The following GLT8D2 variants were observed in gnomAD, a reference collection of about 807,000 sequenced individuals.
GLT8D2 encodes the protein glycosyltransferase 8 domain containing 2.
GLT8D2 carries 45 observed loss-of-function variants against 44.5 expected under a neutral mutation model. That is an observed-to-expected ratio of 1.01 (90% CI 0.80 to 1.30). The LOEUF is 1.30. Among genes scored for constraint, GLT8D2 ranks in the 50% most tolerant of loss-of-function variants. GLT8D2 has a pLI of 0.00. For missense variants in GLT8D2, 400 were observed against 430.4 expected (o/e 0.93, Z 0.62); for synonymous variants, 156 against 157.2 (o/e 0.99, Z 0.06).
rs372809197 is a variant in GLT8D2 at position 104,021,959 on chromosome 12, A to AGAG, written c.-163-469_-163-468insCTC. On this transcript the variant is annotated intron_variant, in intron 1 of 10. Coordinates refer to ENST00000360814, the MANE Select transcript of GLT8D2 (RefSeq NM_001384711.1). ...AAGAAGAAGAAGAAGAAGAAGAGGA[A>AGAG]GAAGAGGAAGAGGAAGAGGAAGAGG... 5.5e-3 allele frequency among the ~76,000 whole-genome samples: 82 copies of AGAG among 15,042 alleles called. 9 individuals are homozygous for AGAG. In the East Asian group the frequency reaches 0.082, roughly 15 times the overall value. The allele number at this position is 15,042 out of a possible 152,430, so 9.9% of individuals were successfully genotyped here.
At chr12:103,996,589 C>T in intron 8 of GLT8D2, 146 bp downstream of exon 8, 1 of 609,544 alleles carries the variant, frequency 1.6e-6, no homozygotes, top group Non-Finnish European at 2.9e-6. Context: ...AAGTCCCAGA[C>T]CCCTGTACTG....
chr12:104,003,116 T>G lies in GLT8D2; in HGVS notation c.284+19A>C, dbSNP rs767415354. On this transcript the variant is annotated intron_variant, in intron 5 of 10. Transcript: ENST00000360814. ...GGGAAGGAAACAGAAAGTGCCAAAGTCTGTAAGACATAACTTACCGTATTC... is the reference window on the plus strand; with the variant it reads ...GGGAAGGAAACAGAAAGTGCCAAAGGCTGTAAGACATAACTTACCGTATTC... The G allele has an allele frequency of 2.5e-6, 4 of 1,603,972 alleles. No individual in the cohort carries two copies. In the Admixed American group the frequency reaches 5.0e-5, roughly 20 times the overall value.
At chr12:104,062,539 T>C (rs1423593244) in intron 1 of GLT8D2, among the ~76,000 whole-genome samples, 2 of 152,216 alleles carry the variant, frequency 1.3e-5, no homozygotes, top group African/African-American at 2.4e-5. Context: ...AAATTTACTA[T>C]ACAGTGTCTG....
chr12:104,052,956 C>T (rs961509094), upstream of GLT8D2, among the ~76,000 whole-genome samples: 13 of 152,184 alleles, frequency 8.5e-5, no homozygotes, highest in Admixed American at 3.9e-4. Flanking sequence ...TTAGCTAAAA[C>T]GTTGGTCACC....
At chr12:104,041,272 G>T (rs1310496573) in intron 1 of GLT8D2, among the ~76,000 whole-genome samples, 9 of 152,220 alleles carry the variant, frequency 5.9e-5, no homozygotes, top group Non-Finnish European at 1.3e-4. Flanking sequence ...AAATTAGCTG[G>T]GCGTGGTGAC....
chr12:104,002,041 T>C (rs918040873), intron 5 of GLT8D2, among the ~76,000 whole-genome samples: 2 of 152,132 alleles, frequency 1.3e-5, no homozygotes, highest in African/African-American at 4.8e-5. Context: ...AGTGATGCGA[T>C]CATAGCTTAC....
chr12:103,997,763 AC>A (rs1448856107), intron 6 of GLT8D2, among the ~76,000 whole-genome samples: 1 of 151,818 alleles, frequency 6.6e-6, no homozygotes, highest in Admixed American at 6.6e-5. Flanking sequence ...CTAGATACAA[AC>A]CCCCTAGTGC....
chr12:104,000,104 T>G (rs1874002315), intron 5 of GLT8D2, among the ~76,000 whole-genome samples: 1 of 152,190 alleles, frequency 6.6e-6, no homozygotes, highest in South Asian at 2.1e-4. Context: ...AATGAGGTTC[T>G]TGGTAGAAAT....
intron 1 of GLT8D2, chr12:104,031,173 T>C: frequency 6.2e-7 from 1 of 1,607,658 alleles, no homozygotes; most frequent in Non-Finnish European, 8.5e-7. Flanking sequence ...GACCATCCTT[T>C]CTACAGCAAC....
At chr12:104,025,122 C>G (rs1878420971) in intron 1 of GLT8D2, among the ~76,000 whole-genome samples, 1 of 151,036 alleles carries the variant, frequency 6.6e-6, no homozygotes, top group African/African-American at 2.4e-5. Context: ...AATACTTTCC[C>G]CTGGTATGTG....
At chr12:104,010,730 T>C (rs1357851102) in intron 4 of GLT8D2, among the ~76,000 whole-genome samples, 1 of 152,200 alleles carries the variant, frequency 6.6e-6, no homozygotes, top group Non-Finnish European at 1.5e-5. Flanking sequence ...TATGTGTCTG[T>C]CTCCTCCACT....
intron 1 of GLT8D2, among the ~76,000 whole-genome samples, chr12:104,063,312 T>C (rs1016279365): frequency 6.6e-6 from 1 of 152,228 alleles, no homozygotes; most frequent in African/African-American, 2.4e-5. Flanking sequence ...GAATCCCATA[T>C]GCAGTGCAGT....
chr12:104,041,126 G>T (rs1464137408), intron 1 of GLT8D2, among the ~76,000 whole-genome samples: 1 of 151,448 alleles, frequency 6.6e-6, no homozygotes, highest in African/African-American at 2.4e-5. Context: ...AATTAGCTGG[G>T]TGTGGGGCCA....
intron 4 of GLT8D2, among the ~76,000 whole-genome samples, chr12:104,013,158 A>T (rs2629750): frequency 6.6e-6 from 1 of 152,134 alleles, no homozygotes; most frequent in Admixed American, 6.5e-5. Flanking sequence ...ACCATCACCA[A>T]GATCCAATTT....
Position 104,044,906 on chromosome 12 carries a change from A to G in GLT8D2, c.-164+4989T>C, listed in dbSNP as rs144630166. ...TTCACCAGATCCACCAGTTGCTAACATGTTGACATATTTACTTAATTGAAC... is the reference window on the plus strand; with the variant it reads ...TTCACCAGATCCACCAGTTGCTAACGTGTTGACATATTTACTTAATTGAAC... On this transcript the variant is annotated intron_variant, in intron 1 of 10. Transcript: ENST00000360814. 4.9e-4 allele frequency among the ~76,000 whole-genome samples: 75 copies of G among 152,380 alleles called. No individual in the cohort carries two copies. In the East Asian group the frequency reaches 0.011, roughly 23 times the overall value.
At chr12:104,044,817 CT>C (rs1022431482) in intron 1 of GLT8D2, among the ~76,000 whole-genome samples, 124 of 152,246 alleles carry the variant, frequency 8.1e-4, no homozygotes, top group African/African-American at 2.8e-3. Context: ...TTTCCTTTTT[CT>C]TTTTTTCGCT....
At chr12:104,030,663 T>C in intron 1 of GLT8D2, 1 of 1,475,736 alleles carries the variant, frequency 6.8e-7, no homozygotes, top group South Asian at 1.2e-5. Context: ...ATATCCAAAA[T>C]ATATAAGAAA....
At chr12:104,022,585 T>C (rs569883949) in intron 1 of GLT8D2, among the ~76,000 whole-genome samples, 2 of 152,274 alleles carry the variant, frequency 1.3e-5, no homozygotes, top group South Asian at 2.1e-4. Context: ...TAATAACTCA[T>C]ATGGCCCTTG....
intron 1 of GLT8D2, among the ~76,000 whole-genome samples, chr12:104,045,950 A>AAAAT (rs1201302913): frequency 8.8e-5 from 13 of 147,200 alleles, no homozygotes; most frequent in African/African-American, 3.1e-4. Flanking sequence ...AGAAAGAAAG[A>AAAAT]AAGAAAATAA....
Sources: allele counts gnomAD v4.1 joint callset (sites outside exome capture counted in the v4.1 genomes callset), GRCh38; gene constraint gnomAD v4.1.1; transcripts MANE v1.5; gene names NCBI Gene and HGNC (gene_info 2026-07-23, HGNC 2026-07-21).